Variants in OSBPL9 observed in about 807,000 individuals in gnomAD.
The protein encoded by OSBPL9 is oxysterol-binding protein-related protein 9.
In OSBPL9, 40 loss-of-function variants were observed where a neutral mutation model predicts 106.6. The observed-to-expected ratio is 0.38, with a 90% CI of 0.29 to 0.49. The LOEUF (loss-of-function observed/expected upper bound fraction) is 0.49. Ranked by LOEUF, OSBPL9 falls within the 20% of genes least tolerant of loss-of-function variation. The probability of loss-of-function intolerance (pLI) is 0.97; values close to 1 mark genes in which losing one functional copy is unlikely to be tolerated. For missense variants in OSBPL9, 609 were observed against 887.2 expected (o/e 0.69, Z 3.98); for synonymous variants, 269 against 295.4 (o/e 0.91, Z 0.92).
the OSBPL9 span, among the ~76,000 whole-genome samples, chr1:51,564,895 A>T: frequency 1.3e-5 from 2 of 152,280 alleles, no homozygotes; most frequent in African/African-American, 4.8e-5. Context: ...CATGGTCCTC[A>T]CCAGGAGGGG....
At chr1:51,641,634 A>G (rs79852762) in intron 1 of OSBPL9, among the ~76,000 whole-genome samples, 1,815 of 152,278 alleles carry the variant, frequency 0.012, 38 homozygotes, top group African/African-American at 0.042. Context: ...TCTTTATTCT[A>G]TAGCCAGCAA....
chr1:51,581,038 G>T (rs1457470217), intron 1 of OSBPL9, among the ~76,000 whole-genome samples: 1 of 144,834 alleles, frequency 6.9e-6, no homozygotes, highest in African/African-American at 2.5e-5. Context: ...TTGTCTGTCA[G>T]GTTCAGGTGA....
rs35392929 is a variant in OSBPL9, at chr1:51,636,082, A to ATGTGTG, written c.112-15889_112-15884dup. ...CAATTTATGTACTGTATGTATGTAT[A>ATGTGTG]TGTGTGTGTGTGTGTGTGTGTGTGT... On this transcript the variant is annotated intron_variant, in intron 1 of 23. Coordinates refer to ENST00000428468, the MANE Select transcript of OSBPL9 (RefSeq NM_024586.6). 6.0e-3 allele frequency among the ~76,000 whole-genome samples: 845 copies of ATGTGTG among 139,724 alleles called. 13 individuals are homozygous for ATGTGTG. The highest frequency in any genetic ancestry group is 0.047 in the East Asian group (215 of 4,562). 91.7% of individuals were successfully genotyped at this position (139,724 alleles called of 152,430 possible).
upstream of OSBPL9, among the ~76,000 whole-genome samples, chr1:51,615,398 G>GT (rs1442071144): frequency 6.6e-6 from 1 of 152,178 alleles, no homozygotes; most frequent in African/African-American, 2.4e-5. Context: ...ATCTCTGCTA[G>GT]TATCAAAAGT....
chr1:51,520,855 A>C, the OSBPL9 span, among the ~76,000 whole-genome samples: 1 of 152,392 alleles, frequency 6.6e-6, no homozygotes, highest in Non-Finnish European at 1.5e-5. Context: ...TCTGGTGAGT[A>C]ACCACTTATT....
At chr1:51,725,622 C>T (rs1169028054) in intron 4 of OSBPL9, among the ~76,000 whole-genome samples, 2 of 152,176 alleles carry the variant, frequency 1.3e-5, no homozygotes, top group Non-Finnish European at 2.9e-5. Flanking sequence ...TTGTCAACTT[C>T]ACATGTGCTT....
chr1:51,782,896 T>G (rs1200010299), intron 17 of OSBPL9, among the ~76,000 whole-genome samples: 1 of 152,094 alleles, frequency 6.6e-6, no homozygotes, highest in Non-Finnish European at 1.5e-5. Flanking sequence ...GCTTCCAGAG[T>G]CATCTTATAT....
chr1:51,724,820 T>C lies in OSBPL9; in HGVS notation c.318+10741T>C, dbSNP rs116676190. ...TCTAAAGAGGAGCTTTACAATCTCTTCTCTGGGGTTTATGGAGACTTCCTT... is the reference window on the plus strand; with the variant it reads ...TCTAAAGAGGAGCTTTACAATCTCTCCTCTGGGGTTTATGGAGACTTCCTT... On this transcript the variant is annotated intron_variant, in intron 4 of 23. Transcript: ENST00000428468. 5.7e-3 allele frequency: 1,464 copies of C among 256,664 alleles called. 7 individuals are homozygous for C. The highest frequency in any genetic ancestry group is 8.9e-3 in the Non-Finnish European group (1,162 of 130,522). 15.9% of individuals were successfully genotyped at this position (256,664 alleles called of 1,614,324 possible).
intron 1 of OSBPL9, among the ~76,000 whole-genome samples, chr1:51,644,468 C>T (rs1646020036): frequency 6.6e-6 from 1 of 152,080 alleles, no homozygotes; most frequent in South Asian, 2.1e-4. Context: ...GCTGGGATTA[C>T]AGGCGTGTGC....
chr1:51,621,929 A>G (rs747387881), intron 1 of OSBPL9, among the ~76,000 whole-genome samples: 1 of 152,172 alleles, frequency 6.6e-6, no homozygotes, highest in Non-Finnish European at 1.5e-5. Context: ...GCAAGAATAT[A>G]GGTGGAACCT....
At chr1:51,591,784 TGAAA>T in intron 1 of OSBPL9, among the ~76,000 whole-genome samples, 1 of 151,270 alleles carries the variant, frequency 6.6e-6, no homozygotes, top group Non-Finnish European at 1.5e-5. Flanking sequence ...AGAGCAAGAC[TGAAA>T]GAAAGAGACA....
At chr1:51,692,671 T>C (rs1429675326) in intron 3 of OSBPL9, among the ~76,000 whole-genome samples, 15 of 149,740 alleles carry the variant, frequency 1.0e-4, no homozygotes, top group East Asian at 5.8e-4. Context: ...CTTTCTTCTT[T>C]TTTTTTTTTT....
intron 3 of OSBPL9, among the ~76,000 whole-genome samples, chr1:51,705,399 A>ATTTATTTTT (rs1658290505): frequency 2.5e-5 from 1 of 40,450 alleles, no homozygotes; most frequent in Admixed American, 4.6e-4. Flanking sequence ...ATATATATAT[A>ATTTATTTTT]TTTTTTTTTT....
At chr1:51,559,309 A>T in the OSBPL9 span, among the ~76,000 whole-genome samples, 1 of 151,754 alleles carries the variant, frequency 6.6e-6, no homozygotes, top group Non-Finnish European at 1.5e-5. Context: ...GTTGCGGGGG[A>T]TGGTGGAGTA....
At chr1:51,734,241 G>A (rs533534170) in intron 4 of OSBPL9, among the ~76,000 whole-genome samples, 1 of 152,266 alleles carries the variant, frequency 6.6e-6, no homozygotes, top group African/African-American at 2.4e-5. Flanking sequence ...TGGCTTCTTT[G>A]CTGTATTGAC....
chr1:51,591,887 C>A (rs1033989596), intron 1 of OSBPL9, among the ~76,000 whole-genome samples: 1 of 152,022 alleles, frequency 6.6e-6, no homozygotes, highest in African/African-American at 2.4e-5. Flanking sequence ...AGTGCCTAAA[C>A]CTTCCCAGTT....
intron 1 of OSBPL9, among the ~76,000 whole-genome samples, chr1:51,621,366 A>G (rs1031761154): frequency 6.6e-6 from 1 of 152,076 alleles, no homozygotes; most frequent in Non-Finnish European, 1.5e-5. Flanking sequence ...GGCCAGCGCC[A>G]GTAATCCCAG....
the OSBPL9 span, among the ~76,000 whole-genome samples, chr1:51,564,552 G>T: frequency 6.6e-6 from 1 of 152,196 alleles, no homozygotes; most frequent in Non-Finnish European, 1.5e-5. Flanking sequence ...ATGCTGTGGA[G>T]CCTCCAAGGC....
intron 15 of OSBPL9, among the ~76,000 whole-genome samples, chr1:51,777,490 G>A (rs998662295): frequency 6.6e-6 from 1 of 152,202 alleles, no homozygotes; most frequent in Non-Finnish European, 1.5e-5. Context: ...TTCGCTGGTA[G>A]CAGGAAATTT....
Sources: gnomAD v4.1 joint callset for allele counts (sites outside exome capture counted in the v4.1 genomes callset) on GRCh38, gnomAD v4.1.1 for gene constraint, MANE v1.5 for transcripts, NCBI Gene and HGNC (gene_info 2026-07-23, HGNC 2026-07-21) for gene names.